MDGA2: variants seen among roughly 807,000 people sequenced by gnomAD.
MDGA2 encodes MAM domain containing glycosylphosphatidylinositol anchor 2.
Under a neutral mutation model 117.8 loss-of-function variants are expected in MDGA2, and 40 were observed. The ratio of observed to expected loss-of-function variants is 0.34; its 90% CI spans 0.26 to 0.44. The LOEUF (loss-of-function observed/expected upper bound fraction) is 0.44. MDGA2 is among the 20% of genes least tolerant of loss of function. The pLI, the probability that MDGA2 is intolerant of heterozygous loss-of-function variation, is 1.00. For synonymous variants in MDGA2, 452 were observed against 439.0 expected (o/e 1.03, Z -0.37); for missense variants, 1,123 against 1,250.6 (o/e 0.90, Z 1.54).
chr14:47,581,797 A>G (rs1343196234), intron 1 of MDGA2, among the ~76,000 whole-genome samples: 1 of 151,992 alleles, frequency 6.6e-6, no homozygotes, highest in Admixed American at 6.6e-5. Flanking sequence ...GTTTACCATT[A>G]TAAGTCTCTG....
intron 1 of MDGA2, among the ~76,000 whole-genome samples, chr14:47,465,580 A>G (rs925140796): frequency 6.6e-6 from 1 of 152,160 alleles, no homozygotes; most frequent in African/African-American, 2.4e-5. Context: ...TATGAAAAAA[A>G]GCTCATTATT....
chr14:47,419,247 A>G (rs1038266003), intron 1 of MDGA2, among the ~76,000 whole-genome samples: 3 of 152,178 alleles, frequency 2.0e-5, no homozygotes, highest in Middle Eastern at 3.2e-3. Flanking sequence ...AGGCACAGGG[A>G]CATAATCAGA....
chr14:47,155,888 CTTTTTTTTTTTTTTTTTTTTTT>C (rs55827732), intron 3 of MDGA2, among the ~76,000 whole-genome samples: 125 of 40,174 alleles, frequency 3.1e-3, no homozygotes, highest in Non-Finnish European at 3.9e-3. Context: ...TCTTCTTCTT[CTTTTTTTTTTTTTTTTTTTTTT>C]TTTTTTTTTT....
At chr14:47,046,872 C>T (rs1262005847) in intron 7 of MDGA2, among the ~76,000 whole-genome samples, 1 of 151,958 alleles carries the variant, frequency 6.6e-6, no homozygotes. Flanking sequence ...CATGATTTAT[C>T]CAAATACACT....
chr14:47,200,529 CTTTTCTTTTTTTT>C, intron 3 of MDGA2: 1 of 586,028 alleles, frequency 1.7e-6, no homozygotes, highest in Non-Finnish European at 2.6e-6. Context: ...TTTTCTTTTT[CTTTTCTTTTTTTT>C]TTTTTTTGAG....
At chr14:47,121,095 T>C (rs1881627215) in intron 5 of MDGA2, among the ~76,000 whole-genome samples, 1 of 152,156 alleles carries the variant, frequency 6.6e-6, no homozygotes, top group Non-Finnish European at 1.5e-5. Context: ...AACTCACTCA[T>C]TTATAACTGA....
At chr14:47,401,504 C>A (rs560360928) in intron 1 of MDGA2, among the ~76,000 whole-genome samples, 1 of 152,198 alleles carries the variant, frequency 6.6e-6, no homozygotes, top group Admixed American at 6.5e-5. Flanking sequence ...AGGTACTCAC[C>A]AAAAGGCTTA....
At chr14:47,087,518 A>G (rs1890949037) in intron 6 of MDGA2, among the ~76,000 whole-genome samples, 1 of 151,364 alleles carries the variant, frequency 6.6e-6, no homozygotes, top group Non-Finnish European at 1.5e-5. Flanking sequence ...GAGCAAATCT[A>G]TCTTAAAGTT....
chr14:47,477,908 T>G (rs1893876645), intron 1 of MDGA2, among the ~76,000 whole-genome samples: 1 of 152,180 alleles, frequency 6.6e-6, no homozygotes, highest in Non-Finnish European at 1.5e-5. Context: ...TCCCTGAAGG[T>G]TAAGGCACCT....
intron 2 of MDGA2, among the ~76,000 whole-genome samples, chr14:47,230,033 T>C (rs1158280474): frequency 6.6e-6 from 1 of 152,048 alleles, no homozygotes; most frequent in African/African-American, 2.4e-5. Context: ...AAAAGTTTCT[T>C]ATGGGAATTT....
intron 2 of MDGA2, among the ~76,000 whole-genome samples, chr14:47,253,862 C>T (rs147412042): frequency 9.0e-4 from 137 of 152,354 alleles, no homozygotes; most frequent in African/African-American, 3.1e-3. Flanking sequence ...TCAGGCATTT[C>T]CATACATCCT....
intron 1 of MDGA2, among the ~76,000 whole-genome samples, chr14:47,434,004 AT>A (rs747445733): frequency 1.3e-5 from 2 of 152,068 alleles, no homozygotes; most frequent in African/African-American, 2.4e-5. Flanking sequence ...ATTTTAAACC[AT>A]TGCTAAATAA....
At chr14:47,578,121 A>G (rs1450815130) in intron 1 of MDGA2, among the ~76,000 whole-genome samples, 2 of 152,210 alleles carry the variant, frequency 1.3e-5, no homozygotes, top group Admixed American at 6.5e-5. Context: ...CTTTTCATGG[A>G]CATGGATGAA....
At chr14:46,965,690 G>A (rs59097462) in intron 8 of MDGA2, among the ~76,000 whole-genome samples, 17,935 of 152,044 alleles carry the variant, frequency 0.12, 2,011 homozygotes, top group African/African-American at 0.27. Flanking sequence ...TGGAATATCC[G>A]GTGAGAAGGA....
intron 1 of MDGA2, among the ~76,000 whole-genome samples, chr14:47,454,853 T>C (rs1215867671): frequency 1.5e-5 from 2 of 137,460 alleles, no homozygotes; most frequent in Non-Finnish European, 3.1e-5. Flanking sequence ...CAAGCAAAGA[T>C]GACTTTGAGA....
intron 9 of MDGA2, among the ~76,000 whole-genome samples, chr14:46,954,305 T>C (rs1028871716): frequency 1.3e-5 from 2 of 151,990 alleles, no homozygotes; most frequent in Non-Finnish European, 1.5e-5. Context: ...AACTGTTCTA[T>C]TCATCTCGTA....
intron 14 of MDGA2, among the ~76,000 whole-genome samples, chr14:46,863,123 T>C (rs1046720605): frequency 3.9e-5 from 6 of 152,086 alleles, no homozygotes; most frequent in African/African-American, 1.4e-4. Context: ...TTGTCATACA[T>C]TGGCTTTGTC....
chr14:47,664,783 C>T (rs1165895869), intron 1 of MDGA2, among the ~76,000 whole-genome samples: 1 of 152,202 alleles, frequency 6.6e-6, no homozygotes, highest in African/African-American at 2.4e-5. Context: ...TGCTGCTAAA[C>T]AGCACTTCTT....
intron 1 of MDGA2, among the ~76,000 whole-genome samples, chr14:47,670,727 C>T (rs1208851011): frequency 1.3e-5 from 2 of 151,954 alleles, no homozygotes; most frequent in Non-Finnish European, 2.9e-5. Flanking sequence ...AAATAGATAC[C>T]AGTTCATTTA....
Sources: allele counts gnomAD v4.1 joint callset (sites outside exome capture counted in the v4.1 genomes callset), GRCh38; gene constraint gnomAD v4.1.1; transcripts MANE v1.5; gene names NCBI Gene and HGNC (gene_info 2026-07-23, HGNC 2026-07-21).